Variants in NUTM2G observed in about 807,000 individuals in gnomAD.
NUTM2G encodes NUT family member 2G, also known as family with sequence similarity 22, member G.
NUTM2G carries 29 observed loss-of-function variants against 44.3 expected under a neutral mutation model. The observed-to-expected ratio is 0.66, with a 90% CI of 0.49 to 0.89. NUTM2G has a LOEUF of 0.89. Among genes scored for constraint, NUTM2G ranks in the 40% least tolerant of loss-of-function variants. NUTM2G has a pLI of 0.00. For missense variants in NUTM2G, 502 were observed against 946.5 expected (o/e 0.53, Z 6.16); for synonymous variants, 205 against 395.9 (o/e 0.52, Z 5.72).
chr9:96,936,701 T>C (rs1826443603), intron 4 of NUTM2G, 137 bp downstream of exon 4: 5 of 1,441,824 alleles, frequency 3.5e-6, no homozygotes, highest in Admixed American at 2.6e-5. Flanking sequence ...GGACTGTATG[T>C]TGGGTATTGA....
chr9:96,935,532 G>T, intron 3 of NUTM2G, 76 bp downstream of exon 3: 6 of 1,610,964 alleles, frequency 3.7e-6, no homozygotes, highest in Non-Finnish European at 4.2e-6. Flanking sequence ...GGCCGTGGTG[G>T]CTTCTCAGCG....
intron 1 of NUTM2G, among the ~76,000 whole-genome samples, chr9:96,931,087 C>A (rs1057057155): frequency 6.6e-6 from 1 of 151,780 alleles, no homozygotes; most frequent in Non-Finnish European, 1.5e-5. Flanking sequence ...GGGGTTTCAC[C>A]ACGTTGGCCA....
Position 96,937,128 on chromosome 9 carries a change from G to A in NUTM2G, c.1047G>A (p.Gln349=), listed in dbSNP as rs763635180. The A allele has an allele frequency of 6.2e-7, 1 of 1,611,856 alleles. No homozygotes were observed. The highest frequency in any genetic ancestry group is 2.2e-5 in the East Asian group (1 of 44,880). The change falls in exon 5 of 7, where the codon CAG becomes CAA. Residue 349 remains glutamine (Q), a synonymous_variant. Transcript: ENST00000372322. Reference sequence around the variant, plus strand: ...CCTGCCTGCCACCACCCAGGCCCCAGAGGCCAGCGGAGACCAAGGCCCACC... The same window carrying A: ...CCTGCCTGCCACCACCCAGGCCCCAAAGGCCAGCGGAGACCAAGGCCCACC... ...PTACLPPPRP[Q]RPAETKAHLP...
intron 1 of NUTM2G, among the ~76,000 whole-genome samples, 171 bp from the exon 2 acceptor site, chr9:96,931,551 G>A (rs924760354): frequency 8.6e-5 from 13 of 151,434 alleles, no homozygotes; most frequent in Non-Finnish European, 7.4e-5. Context: ...CTCTCTAGTG[G>A]AGCGACTCTG....
At position 96,934,617 on chromosome 9, in the gene NUTM2G, C is replaced by T. The variant is rs943484987; in HGVS notation, c.714-711C>T. On this transcript the variant is annotated intron_variant, in intron 2 of 6. Transcript: ENST00000372322. ...AGCTCCAGGACCCTGAGGCTGTGTC[C>T]CCAGGGGCTGCCTTGCTCCAGAGTC... Among the ~76,000 whole-genome samples, 4 of 151,826 alleles carry T rather than the reference C, an allele frequency of 2.6e-5. No homozygotes were observed. The South Asian group carries it at 6.2e-4, about 24-fold the overall frequency.
chr9:96,937,351 G>C lies in NUTM2G; in HGVS notation c.1270G>C (p.Gly424Arg), dbSNP rs550671322. 3.7e-6 allele frequency: 6 copies of C among 1,613,910 alleles called. No homozygotes were observed. The East Asian group carries it at 1.3e-4, about 36-fold the overall frequency. The change falls in exon 5 of 7, where the codon GGC becomes CGC. Residue 424 changes from glycine (G) to arginine (R), a missense_variant. Physicochemically the swap from Gly to Arg is moderately radical, Grantham distance 125. Transcript: ENST00000372322. ...AGAGGACGGGATGACCTCAGACCCG[G>C]GCCTCCTGAGCTACATTGACAAGCT... ...QEEDGMTSDP[G>R]LLSYIDKLCS...
chr9:96,931,868 G>A lies in NUTM2G; in HGVS notation c.163G>A (p.Val55Met). Residue 55 changes from valine to methionine, a missense_variant, in exon 2 of 7, where the codon GTG becomes ATG. Val to Met is a conservative substitution (Grantham distance 21, BLOSUM62 1). Transcript: ENST00000372322. ...AGTGGTTCCTCCAGCCGGCCCTCTG[G>A]TGCTCTCTGCCTTCCCCAGCACCCC... ...TAVVPPAGPL[V>M]LSAFPSTPLV... 1 of 1,612,412 alleles carries A rather than the reference G, an allele frequency of 6.2e-7. No homozygotes were observed.
rs745317675 is a variant in NUTM2G at position 96,931,900 on chromosome 9, G to A, written c.195G>A (p.Val65=). The A allele has an allele frequency of 8.1e-6, 13 of 1,612,120 alleles. No homozygotes were observed. In the African/African-American group the frequency reaches 1.5e-4, roughly 18 times the overall value. ...CTGCCTTCCCCAGCACCCCTCTAGT[G>A]GCAGGACAGGATGGCCGCGGCCCAA... ...VLSAFPSTPL[V]AGQDGRGPSG... is the part of the protein sequence containing the mutation. The change falls in exon 2 of 7, where the codon GTG becomes GTA. Residue 65 remains valine (V), a synonymous_variant. Transcript: ENST00000372322.
At chr9:96,940,651 T>C (rs910786379), downstream of NUTM2G, among the ~76,000 whole-genome samples, 5 of 152,100 alleles carry the variant, frequency 3.3e-5, no homozygotes, top group African/African-American at 1.2e-4. Context: ...GTCCCAGCAC[T>C]GCCTGCATGC....
chr9:96,942,059 T>C (rs1826603444), downstream of NUTM2G, among the ~76,000 whole-genome samples: 2 of 151,770 alleles, frequency 1.3e-5, no homozygotes, highest in Non-Finnish European at 2.9e-5. Context: ...CCAGTGCAGT[T>C]GGGGCGGCCC....
intron 2 of NUTM2G, among the ~76,000 whole-genome samples, chr9:96,935,109 C>G (rs1210759920): frequency 6.6e-6 from 1 of 152,164 alleles, no homozygotes; most frequent in Non-Finnish European, 1.5e-5. Context: ...ATCATAACAC[C>G]GAGGACTTGA....
chr9:96,935,373 G>A lies in NUTM2G; in HGVS notation c.759G>A (p.Leu253=). 1 of 1,611,970 alleles carries A rather than the reference G, an allele frequency of 6.2e-7. No homozygotes were observed. The highest frequency in any genetic ancestry group is 2.3e-4 in the Middle Eastern group (1 of 4,430). ...CCCGGCGGAAGCCCACCATGACGCT[G>A]GAGGAGGGACTGTGGCGGGCCATGC... The part of the protein sequence containing the change: ...SLARRKPTMT[L]EEGLWRAMRE... The change falls in exon 3 of 7, where the codon CTG becomes CTA. Residue 253 remains leucine, a synonymous_variant. Coordinates refer to ENST00000372322, the MANE Select transcript of NUTM2G (RefSeq NM_001170741.3).
intron 2 of NUTM2G, among the ~76,000 whole-genome samples, chr9:96,933,268 G>A (rs1392273902): frequency 1.3e-5 from 2 of 151,390 alleles, no homozygotes; most frequent in South Asian, 2.1e-4. Context: ...ATGACCCACC[G>A]TGCCCGGCTT....
chr9:96,938,040 G>T (rs765853669), intron 6 of NUTM2G, 39 bp downstream of exon 6: 226 of 1,611,756 alleles, frequency 1.4e-4, no homozygotes, highest in Non-Finnish European at 1.9e-5. Flanking sequence ...GTACTCCAGG[G>T]GCAGGAGGGA....
rs536808038 is a variant in NUTM2G at position 96,935,727 on chromosome 9, G to A, written c.842+271G>A. 4.5e-3 allele frequency among the ~76,000 whole-genome samples: 683 copies of A among 152,242 alleles called. 5 individuals carry two copies. The highest frequency in any genetic ancestry group is 0.016 in the African/African-American group (647 of 41,534). On this transcript the variant is annotated intron_variant, in intron 3 of 6. Coordinates refer to ENST00000372322, the MANE Select transcript of NUTM2G (RefSeq NM_001170741.3). ...GGTCATGGCGGGAGCAGCCAGCATC[G>A]CAGCCCAAAGGGGGTCTCCTCCAGC... is the stretch of plus-strand genomic sequence containing the variant.
intron 1 of NUTM2G, among the ~76,000 whole-genome samples, chr9:96,931,136 C>T (rs1482305413): frequency 6.6e-6 from 1 of 152,058 alleles, no homozygotes; most frequent in African/African-American, 2.4e-5. Flanking sequence ...GATCCACCCG[C>T]CTGGGCCTCC....
chr9:96,931,406 C>A (rs1826240290), intron 1 of NUTM2G, among the ~76,000 whole-genome samples: 1 of 152,068 alleles, frequency 6.6e-6, no homozygotes, highest in Non-Finnish European at 1.5e-5. Flanking sequence ...CATCCCTGAC[C>A]CACGGCTTGG....
intron 2 of NUTM2G, among the ~76,000 whole-genome samples, chr9:96,934,529 G>A (rs1300871765): frequency 6.6e-6 from 1 of 152,008 alleles, no homozygotes; most frequent in Non-Finnish European, 1.5e-5. Flanking sequence ...AGCTGTGCCT[G>A]GCTGCTTGCA....
Position 96,937,025 on chromosome 9 carries a change from G to A in NUTM2G, c.983-39G>A, listed in dbSNP as rs539208065. The A allele has an allele frequency of 4.7e-3, 7,174 of 1,533,620 alleles. 44 individuals carry two copies. The highest frequency in any genetic ancestry group is 4.7e-3 in the Non-Finnish European group (5,323 of 1,137,244). ...CCTGTGTGGTGCAGGCAGGAGGAGC[G>A]GCCCTCACCACACCCATCCTCCTCC... On this transcript the variant is annotated intron_variant, in intron 4 of 6. Coordinates refer to ENST00000372322, the MANE Select transcript of NUTM2G (RefSeq NM_001170741.3).
Sources: allele counts gnomAD v4.1 joint callset (sites outside exome capture counted in the v4.1 genomes callset), GRCh38; gene constraint gnomAD v4.1.1; transcripts MANE v1.5; gene names NCBI Gene and HGNC (gene_info 2026-07-23, HGNC 2026-07-21).